The following STARD13 variants were observed in gnomAD, a reference collection of about 807,000 sequenced individuals.
STARD13 encodes stAR-related lipid transfer protein 13.
STARD13 carries 62 observed loss-of-function variants against 106.4 expected under a neutral mutation model. That is an observed-to-expected ratio of 0.58 (90% CI 0.48 to 0.72). The LOEUF (loss-of-function observed/expected upper bound fraction) is 0.72. Ranked by LOEUF, STARD13 falls within the 30% of genes least tolerant of loss-of-function variation. The pLI, the probability that STARD13 is intolerant of heterozygous loss-of-function variation, is 0.00. For synonymous variants in STARD13, 565 were observed against 553.0 expected (o/e 1.02, Z -0.31); for missense variants, 1,387 against 1,424.0 (o/e 0.97, Z 0.42).
At chr13:33,300,557 T>C (rs1414775333) in intron 1 of STARD13, among the ~76,000 whole-genome samples, 1 of 152,220 alleles carries the variant, frequency 6.6e-6, no homozygotes, top group African/African-American at 2.4e-5. Flanking sequence ...CCTTGTTCAT[T>C]GATTCCTTGA....
chr13:33,583,987 T>A, the STARD13 span, among the ~76,000 whole-genome samples: 1 of 152,208 alleles, frequency 6.6e-6, no homozygotes, highest in Admixed American at 6.5e-5. Context: ...TGCCCAGAAA[T>A]GGAATTGCTA....
At chr13:33,261,205 T>C (rs975512867) in intron 1 of STARD13, among the ~76,000 whole-genome samples, 2 of 152,244 alleles carry the variant, frequency 1.3e-5, no homozygotes, top group Admixed American at 1.3e-4. Context: ...GGGCAATGTC[T>C]GGAGACATGT....
the STARD13 span, among the ~76,000 whole-genome samples, chr13:33,503,284 T>G: frequency 6.6e-6 from 1 of 152,166 alleles, no homozygotes; most frequent in Non-Finnish European, 1.5e-5. Flanking sequence ...TCTTCTTTAT[T>G]AGTCTTGCTA....
Position 33,130,070 on chromosome 13 carries a change from T to C in STARD13, c.607A>G (p.Ser203Gly), listed in dbSNP as rs1242054078. 6.2e-7 allele frequency: 1 copy of C among 1,614,006 alleles called. No individual in the cohort carries two copies. Among genetic ancestry groups the C allele is most frequent in the Admixed American group, 1.7e-5 (1 of 60,014 alleles). The stretch of plus-strand genomic sequence containing the variant: ...TGGCTGCGACTGTCGCTGCCTCCAC[T>C]GCTTTCGCTGTGAATGGAGCAGACC... ...PEVCSIHSES[S>G]GGSDSRSQPG... The change falls in exon 5 of 14, where the codon AGT becomes GGT. Residue 203 changes from serine to glycine, a missense_variant. Coordinates refer to ENST00000336934, the MANE Select transcript of STARD13 (RefSeq NM_178006.4). The surrounding 1 kb of genome is among the most constrained non-coding windows in gnomAD (Gnocchi z 4.1).
At chr13:33,575,026 C>T in the STARD13 span, among the ~76,000 whole-genome samples, 1,332 of 150,170 alleles carry the variant, frequency 8.9e-3, 21 homozygotes, top group African/African-American at 0.031. Flanking sequence ...AAGTGATTCT[C>T]CTGCCCCAGC....
the STARD13 span, among the ~76,000 whole-genome samples, chr13:33,591,489 T>A: frequency 1.3e-5 from 2 of 152,222 alleles, no homozygotes; most frequent in African/African-American, 4.8e-5. Context: ...ACAAGAAAGT[T>A]TTCTAAATTG....
intron 1 of STARD13, among the ~76,000 whole-genome samples, chr13:33,262,880 T>C (rs74045769): frequency 0.024 from 3,694 of 152,152 alleles, 149 homozygotes; most frequent in African/African-American, 0.084. Context: ...ATGGGTGTGG[T>C]GGATGCCCAG....
At chr13:33,158,282 C>T (rs1197248139) in intron 3 of STARD13, among the ~76,000 whole-genome samples, 2 of 152,156 alleles carry the variant, frequency 1.3e-5, no homozygotes, top group Non-Finnish European at 2.9e-5. Flanking sequence ...CCAGACATAT[C>T]CTTAGTACAA....
chr13:33,449,086 A>G, the STARD13 span, among the ~76,000 whole-genome samples: 15 of 152,044 alleles, frequency 9.9e-5, no homozygotes, highest in Non-Finnish European at 1.9e-4. Context: ...TGTGCCAAAA[A>G]AAAAAAATAG....
At chr13:33,453,279 T>C in the STARD13 span, among the ~76,000 whole-genome samples, 1 of 152,204 alleles carries the variant, frequency 6.6e-6, no homozygotes, top group East Asian at 1.9e-4. Context: ...GCCTCATGCC[T>C]CTTGGTCCCT....
At chr13:33,564,722 G>A in the STARD13 span, among the ~76,000 whole-genome samples, 1 of 146,706 alleles carries the variant, frequency 6.8e-6, no homozygotes, top group African/African-American at 2.5e-5. Flanking sequence ...AGGTGGGCGC[G>A]GTGGCTCACG....
the STARD13 span, among the ~76,000 whole-genome samples, chr13:33,575,887 T>A: frequency 7.9e-3 from 1,208 of 152,238 alleles, 16 homozygotes; most frequent in African/African-American, 0.028. Context: ...TACAAGAAAT[T>A]TGCAAAGCCC....
At chr13:33,245,284 T>C (rs1471504026) in intron 1 of STARD13, among the ~76,000 whole-genome samples, 2 of 152,224 alleles carry the variant, frequency 1.3e-5, no homozygotes, top group African/African-American at 2.4e-5. Context: ...TGACACTGCA[T>C]TTTATAAAAT....
At chr13:33,128,906 T>C (rs1177120734) in intron 5 of STARD13, 23 bp downstream of exon 5, 2 of 1,570,662 alleles carry the variant, frequency 1.3e-6, no homozygotes, top group Non-Finnish European at 1.7e-6. Flanking sequence ...TGAAAAATCA[T>C]TTCACAAGTG....
chr13:33,574,626 C>T, the STARD13 span, among the ~76,000 whole-genome samples: 2 of 152,076 alleles, frequency 1.3e-5, no homozygotes, highest in Admixed American at 6.6e-5. Flanking sequence ...CCTGTAGTCC[C>T]AGCTACTTGG....
chr13:33,109,873 C>T lies in STARD13; in HGVS notation c.3047G>A (p.Arg1016Lys). 6.2e-7 allele frequency: 1 copy of T among 1,614,218 alleles called. No individual in the cohort carries two copies. ...TCATAAACCCTAGAGTCAGGCTCAC[C>T]TGAGAACCACAAAGTCTCTGGAAGG... Reference protein sequence around the residue: ...PHPSRDFVVLRTWKTDLPKGM... With the variant: ...PHPSRDFVVLKTWKTDLPKGM... Residue 1016 changes from arginine to lysine, a missense_variant and splice_region_variant, in exon 12 of 14, where the codon AGG becomes AAG. Coordinates refer to ENST00000336934, the MANE Select transcript of STARD13 (RefSeq NM_178006.4).
the STARD13 span, among the ~76,000 whole-genome samples, chr13:33,458,992 C>G: frequency 6.6e-6 from 1 of 152,028 alleles, no homozygotes; most frequent in East Asian, 1.9e-4. Flanking sequence ...ATCTACCCAC[C>G]TTGGCCTCCC....
chr13:33,257,982 C>T (rs190516519), intron 1 of STARD13, among the ~76,000 whole-genome samples: 32 of 152,328 alleles, frequency 2.1e-4, no homozygotes, highest in Non-Finnish European at 3.2e-4. Context: ...AGCCCTTTGG[C>T]TATTAAAAGA....
chr13:33,146,493 A>G (rs534684997), intron 3 of STARD13, among the ~76,000 whole-genome samples: 19 of 152,326 alleles, frequency 1.2e-4, no homozygotes, highest in Admixed American at 2.0e-4. Context: ...CTGAAAAAAT[A>G]AAGTTTTATG....
Sources: gnomAD v4.1 joint callset for allele counts (sites outside exome capture counted in the v4.1 genomes callset) on GRCh38, gnomAD v4.1.1 for gene constraint, Gnocchi (gnomAD v3.1) non-coding constraint, MANE v1.5 for transcripts, NCBI Gene and HGNC (gene_info 2026-07-23, HGNC 2026-07-21) for gene names.